Variants in EVI5 observed in about 807,000 individuals in gnomAD.
The protein encoded by EVI5 is ecotropic viral integration site 5 protein homolog.
EVI5 carries 73 observed loss-of-function variants against 112.0 expected under a neutral mutation model. The observed-to-expected ratio is 0.65, with a 90% CI of 0.54 to 0.79. The LOEUF (loss-of-function observed/expected upper bound fraction) is 0.79, where lower values mean the gene tolerates loss of function less well. EVI5 is among the 30% of genes least tolerant of loss of function. The pLI is 0.00. For synonymous variants in EVI5, 305 were observed against 319.9 expected (o/e 0.95, Z 0.50); for missense variants, 900 against 968.8 (o/e 0.93, Z 0.94).
intron 16 of EVI5, 142 bp downstream of exon 16, chr1:92,624,034 T>C (rs1215595775): frequency 1.5e-6 from 1 of 655,562 alleles, no homozygotes; most frequent in Non-Finnish European, 2.6e-6. Flanking sequence ...TTTTTTGCCA[T>C]CTTCATTTGG....
chr1:92,636,118 C>A, intron 14 of EVI5, 84 bp downstream of exon 14: 2 of 1,098,502 alleles, frequency 1.8e-6, no homozygotes, highest in South Asian at 1.7e-5. Flanking sequence ...AACACCAAGT[C>A]AATTAAATTG....
chr1:92,589,729 G>A (rs1673453459), intron 18 of EVI5, among the ~76,000 whole-genome samples: 1 of 152,194 alleles, frequency 6.6e-6, no homozygotes, highest in East Asian at 1.9e-4. Context: ...AACCTCCGCA[G>A]ACTTAAATGT....
intron 9 of EVI5, among the ~76,000 whole-genome samples, chr1:92,690,346 G>A (rs984656712): frequency 1.1e-4 from 10 of 93,620 alleles, no homozygotes; most frequent in African/African-American, 3.8e-4. Context: ...TATCCCCAAT[G>A]ATACTTTTTT....
chr1:92,778,754 T>C (rs1684482269), intron 1 of EVI5, among the ~76,000 whole-genome samples: 1 of 152,198 alleles, frequency 6.6e-6, no homozygotes, highest in African/African-American at 2.4e-5. Context: ...ATCAGAATAG[T>C]GGTCACCTCT....
chr1:92,659,388 C>T (rs542677502), intron 13 of EVI5, among the ~76,000 whole-genome samples: 30 of 152,076 alleles, frequency 2.0e-4, no homozygotes, highest in South Asian at 8.3e-4. Context: ...CTACAAGGAA[C>T]GCAAACAACT....
chr1:92,756,374 C>T, intron 1 of EVI5: 1 of 525,454 alleles, frequency 1.9e-6, no homozygotes, highest in Non-Finnish European at 3.9e-6. Flanking sequence ...CCTGGAAGTA[C>T]TGTTGCAAAA....
chr1:92,608,166 A>AAAATAAATAAAT (rs538606553), intron 16 of EVI5, among the ~76,000 whole-genome samples: 1 of 151,814 alleles, frequency 6.6e-6, no homozygotes, highest in African/African-American at 2.4e-5. Flanking sequence ...AAAAAAATTA[A>AAAATAAATAAAT]AAATAAATAA....
chr1:92,622,167 A>G (rs949982496), intron 16 of EVI5: 1 of 189,702 alleles, frequency 5.3e-6, no homozygotes, highest in Non-Finnish European at 1.1e-5. Context: ...AAAATATTAA[A>G]AACCTGAATC....
chr1:92,547,170 A>G (rs1490661004), intron 19 of EVI5, among the ~76,000 whole-genome samples: 2 of 152,226 alleles, frequency 1.3e-5, no homozygotes, highest in East Asian at 3.8e-4. Context: ...AGTGCAATCA[A>G]ACTAGAACTC....
intron 10 of EVI5, among the ~76,000 whole-genome samples, chr1:92,671,005 A>G (rs974464566): frequency 1.4e-5 from 2 of 147,912 alleles, no homozygotes; most frequent in Non-Finnish European, 3.0e-5. Context: ...TTATCACCAT[A>G]AAAGCATGCA....
intron 18 of EVI5, among the ~76,000 whole-genome samples, chr1:92,581,691 C>T (rs200657554): frequency 9.4e-6 from 1 of 105,958 alleles, no homozygotes; most frequent in South Asian, 2.6e-4. Context: ...CAAGTTTTTG[C>T]TTAAAAAAAA....
chr1:92,744,600 T>TCACACA, intron 1 of EVI5, among the ~76,000 whole-genome samples: 1 of 28,062 alleles, frequency 3.6e-5, no homozygotes, highest in South Asian at 1.5e-3. Flanking sequence ...TCTCTCTCTC[T>TCACACA]CACACACACA....
At chr1:92,607,776 A>G in intron 16 of EVI5, 49 bp from the exon 17 acceptor site, 1 of 1,253,524 alleles carries the variant, frequency 8.0e-7, no homozygotes, top group Non-Finnish European at 1.1e-6. Flanking sequence ...AAGACCTAAA[A>G]ATTAAAAAAA....
At chr1:92,691,750 A>G (rs1203390244) in intron 9 of EVI5, among the ~76,000 whole-genome samples, 1 of 152,198 alleles carries the variant, frequency 6.6e-6, no homozygotes, top group Admixed American at 6.5e-5. Context: ...TTAGCATTAT[A>G]AAGGAAAAAA....
intron 19 of EVI5, among the ~76,000 whole-genome samples, chr1:92,550,813 T>TATATATA (rs1346523555): frequency 1.2e-5 from 1 of 80,112 alleles, no homozygotes; most frequent in African/African-American, 5.4e-5. Context: ...TATATATATA[T>TATATATA]AACAAAAAAA....
At chr1:92,627,060 T>C (rs1655829725) in intron 14 of EVI5, among the ~76,000 whole-genome samples, 1 of 152,198 alleles carries the variant, frequency 6.6e-6, no homozygotes, top group Non-Finnish European at 1.5e-5. Context: ...GGTATTTGGT[T>C]ACATGAGTAA....
chr1:92,760,522 A>C (rs1681664824), intron 1 of EVI5, among the ~76,000 whole-genome samples: 1 of 151,844 alleles, frequency 6.6e-6, no homozygotes. Flanking sequence ...ACTTGAGGTC[A>C]GGAGTTCGAG....
intron 19 of EVI5, among the ~76,000 whole-genome samples, chr1:92,551,296 G>A (rs1033268361): frequency 1.3e-5 from 2 of 151,916 alleles, no homozygotes; most frequent in Non-Finnish European, 2.9e-5. Flanking sequence ...CCTAAGTGCT[G>A]GGATTACAGG....
intron 9 of EVI5, among the ~76,000 whole-genome samples, chr1:92,684,913 G>C (rs904088464): frequency 6.6e-6 from 1 of 152,040 alleles, no homozygotes; most frequent in Admixed American, 6.6e-5. Context: ...AGCAAGTCCT[G>C]AGAGACCTAC....
Sources: allele counts gnomAD v4.1 joint callset (sites outside exome capture counted in the v4.1 genomes callset), GRCh38; gene constraint gnomAD v4.1.1; transcripts MANE v1.5; gene names NCBI Gene and HGNC (gene_info 2026-07-23, HGNC 2026-07-21).